RGS3: variants seen among roughly 807,000 people sequenced by gnomAD.
RGS3 encodes the protein regulator of G protein signaling 3.
In RGS3, 80 loss-of-function variants were observed where a neutral mutation model predicts 132.6. The ratio of observed to expected loss-of-function variants is 0.60; its 90% CI spans 0.50 to 0.73. The LOEUF is 0.73. RGS3 is among the 30% of genes least tolerant of loss of function. The pLI is 0.00. For missense variants in RGS3, 1,382 were observed against 1,530.8 expected (o/e 0.90, Z 1.62); for synonymous variants, 598 against 620.6 (o/e 0.96, Z 0.54).
rs1206722596 is a variant in RGS3 at position 113,463,416 on chromosome 9, G to C, written c.415+1215G>C. The stretch of plus-strand genomic sequence containing the variant: ...AATTGCTGGTCTAGGAGAGCTGGAC[G>C]AGGAGGCCAAGCCTGCCCAGAGTGG... On this transcript the variant is annotated intron_variant, in intron 3 of 24. Transcript: ENST00000350696. This position sits in a 1 kb window ranked among gnomAD's most constrained non-coding sequence, Gnocchi z 4.6. Among the ~76,000 whole-genome samples, 1 of 152,202 alleles carries C rather than the reference G, an allele frequency of 6.6e-6. No individual in the cohort carries two copies. The highest frequency in any genetic ancestry group is 2.4e-5 in the African/African-American group (1 of 41,466).
At chr9:113,497,394 G>T (rs780357153) in exon 9 of RGS3, 2 of 1,613,090 alleles carry the variant, frequency 1.2e-6, no homozygotes, top group Non-Finnish European at 1.7e-6. Flanking sequence ...GGCGACTGCG[G>T]CCGCTGAGAG....
At chr9:113,577,133 G>T (rs566247463) in intron 19 of RGS3, among the ~76,000 whole-genome samples, 1 of 152,120 alleles carries the variant, frequency 6.6e-6, no homozygotes, top group African/African-American at 2.4e-5. Context: ...ACAGGTGCGC[G>T]CCATGTTGCC....
chr9:113,548,931 C>T (rs1382774617), intron 19 of RGS3, among the ~76,000 whole-genome samples: 1 of 152,240 alleles, frequency 6.6e-6, no homozygotes, highest in Non-Finnish European at 1.5e-5. Context: ...CCAGCTGGCC[C>T]ACCCTGAGCC....
At chr9:113,474,295 A>C (rs1165161158) in intron 3 of RGS3, among the ~76,000 whole-genome samples, 1 of 152,164 alleles carries the variant, frequency 6.6e-6, no homozygotes, top group East Asian at 1.9e-4. Flanking sequence ...TCACCTTCGC[A>C]AACCAGGGCC....
intron 19 of RGS3, among the ~76,000 whole-genome samples, chr9:113,573,982 ATCT>A (rs1253767076): frequency 2.0e-5 from 3 of 152,218 alleles, no homozygotes; most frequent in Non-Finnish European, 4.4e-5. Flanking sequence ...TTGCTTTTTG[ATCT>A]TGTGTAAGTT....
At chr9:113,525,748 C>G (rs1832170922) in intron 17 of RGS3, among the ~76,000 whole-genome samples, 1 of 152,222 alleles carries the variant, frequency 6.6e-6, no homozygotes, top group African/African-American at 2.4e-5. Flanking sequence ...TGTAACTTGT[C>G]TGAAGAGTCC....
chr9:113,584,500 TGAG>T (rs201381238), intron 20 of RGS3, 73 bp downstream of exon 18: 83,135 of 1,428,470 alleles, frequency 0.058, 2,765 homozygotes, highest in South Asian at 0.1. Flanking sequence ...CTGCAGGGAA[TGAG>T]AAGTCACCAT....
rs529744841 is a variant in RGS3, at chr9:113,591,015, C to T, written c.3016-318C>T. 7.9e-5 allele frequency among the ~76,000 whole-genome samples: 12 copies of T among 152,342 alleles called. No individual in the cohort carries two copies. In the South Asian group the frequency reaches 1.7e-3, roughly 21 times the overall value. ...ATTGGCCTAGTGACACAGCAGAAGC[C>T]CTGCCCTCTCACCTGCTCACTGCCT... On this transcript the variant is annotated intron_variant, in intron 20 of 24. Coordinates refer to ENST00000350696, the Ensembl canonical transcript of RGS3. The surrounding 1 kb of genome is among the most constrained non-coding windows in gnomAD (Gnocchi z 4.4).
upstream of RGS3, among the ~76,000 whole-genome samples, chr9:113,460,087 A>G (rs1009809629): frequency 6.6e-6 from 1 of 151,138 alleles, no homozygotes; most frequent in South Asian, 2.1e-4. Flanking sequence ...TCTCTTCCCT[A>G]AACTTGCTTA....
chr9:113,569,413 G>A (rs937259785), intron 19 of RGS3, among the ~76,000 whole-genome samples: 6 of 152,118 alleles, frequency 3.9e-5, no homozygotes, highest in Admixed American at 3.3e-4. Flanking sequence ...GGAATGGGAG[G>A]TGGCATGGCT....
chr9:113,453,044 TATATA>T (rs1829288788), intron 1 of RGS3, among the ~76,000 whole-genome samples: 1 of 133,354 alleles, frequency 7.5e-6, no homozygotes, highest in Non-Finnish European at 1.5e-5. Flanking sequence ...ATATATATAA[TATATA>T]ATATATAAGT....
chr9:113,578,766 T>TG (rs1450944243), intron 19 of RGS3, among the ~76,000 whole-genome samples: 2 of 152,188 alleles, frequency 1.3e-5, no homozygotes, highest in African/African-American at 2.4e-5. Flanking sequence ...CTTGAAAGCC[T>TG]GGGGGTCCAA....
At chr9:113,553,096 G>C (rs956638563) in intron 19 of RGS3, among the ~76,000 whole-genome samples, 3 of 151,858 alleles carry the variant, frequency 2.0e-5, no homozygotes, top group African/African-American at 4.8e-5. Flanking sequence ...CATATGCTAT[G>C]TTTTGTTTTA....
intron 7 of RGS3, among the ~76,000 whole-genome samples, chr9:113,489,578 C>T (rs1830441104): frequency 6.6e-6 from 1 of 152,130 alleles, no homozygotes; most frequent in Non-Finnish European, 1.5e-5. Flanking sequence ...GGCTAGAGTG[C>T]AGTGGTGTGA....
intron 1 of RGS3, among the ~76,000 whole-genome samples, chr9:113,450,477 A>G (rs1359467327): frequency 1.3e-5 from 2 of 152,192 alleles, no homozygotes; most frequent in African/African-American, 2.4e-5. Flanking sequence ...CTAGTTGGGT[A>G]GAAAGATATG....
chr9:113,547,353 G>T (rs1276967153), intron 19 of RGS3, among the ~76,000 whole-genome samples: 1 of 152,108 alleles, frequency 6.6e-6, no homozygotes, highest in Non-Finnish European at 1.5e-5. Flanking sequence ...ACAGAAAGGG[G>T]TCCTCATCAC....
rs1445640230 is a variant in RGS3, at chr9:113,579,133, G to T, written c.2038-4317G>T. Among the ~76,000 whole-genome samples the T allele has an allele frequency of 1.3e-5, 2 of 152,338 alleles. No homozygotes were observed. Among genetic ancestry groups the T allele is most frequent in the East Asian group, 3.9e-4 (2 of 5,178 alleles). ...GCAGATGCAGAGCCCGGCATCCGTG[G>T]TGGCTGTGATGAATCATCGGAGTGA... On this transcript the variant is annotated intron_variant, in intron 19 of 24. Transcript: ENST00000350696. The surrounding 1 kb of genome is among the most constrained non-coding windows in gnomAD (Gnocchi z 4.3).
At chr9:113,468,093 G>A (rs543395282) in intron 3 of RGS3, among the ~76,000 whole-genome samples, 4 of 152,262 alleles carry the variant, frequency 2.6e-5, no homozygotes, top group African/African-American at 9.6e-5. Flanking sequence ...TGTACTTTGT[G>A]TTATATCTCA....
At position 113,565,118 on chromosome 9, in the gene RGS3, C is replaced by G. The variant is rs1376917337; in HGVS notation, c.2038-18332C>G. On this transcript the variant is annotated intron_variant, in intron 19 of 24. Transcript: ENST00000350696. This position sits in a 1 kb window ranked among gnomAD's most constrained non-coding sequence, Gnocchi z 5.7. ...CTCCCCCGGAGCAGCACTTTGGGGC[C>G]AGCTTGGGCCCTGGGGATGAGCCAC... 3.4e-6 allele frequency: 4 copies of G among 1,168,992 alleles called. No individual in the cohort carries two copies. The East Asian group carries it at 1.9e-4, about 56-fold the overall frequency. 72.4% of individuals were successfully genotyped at this position (1,168,992 alleles called of 1,614,324 possible).
Sources: allele counts gnomAD v4.1 joint callset (sites outside exome capture counted in the v4.1 genomes callset), GRCh38; gene constraint gnomAD v4.1.1; non-coding constraint Gnocchi (gnomAD v3.1); transcripts MANE v1.5; gene names NCBI Gene and HGNC (gene_info 2026-07-23, HGNC 2026-07-21).